The following PCDH15 variants were observed in gnomAD, a reference collection of about 807,000 sequenced individuals.
PCDH15 encodes protocadherin-15.
A neutral mutation model predicts 178.5 loss-of-function variants in PCDH15; 129 were observed. The observed-to-expected ratio is 0.72, with a 90% CI of 0.63 to 0.84. The LOEUF is 0.84. Ranked by LOEUF, PCDH15 falls within the 40% of genes least tolerant of loss-of-function variation. The pLI is 0.00. For synonymous variants in PCDH15, 800 were observed against 732.0 expected (o/e 1.09, Z -1.50); for missense variants, 2,230 against 2,099.9 (o/e 1.06, Z -1.21).
chr10:54,313,019 C>G (rs894688369), intron 8 of PCDH15, among the ~76,000 whole-genome samples: 3 of 152,020 alleles, frequency 2.0e-5, no homozygotes, highest in Non-Finnish European at 4.4e-5. Flanking sequence ...ATGGCTCAAT[C>G]TGTTAAAAAT....
At position 55,035,800 on chromosome 10, in the gene PCDH15, A is replaced by G. The variant is rs191445122; in HGVS notation, c.-80+130776T>C. On this transcript the variant is annotated intron_variant, in intron 2 of 5. Coordinates refer to the PCDH15 transcript ENST00000458638. ...ATGAATATGTGTGATAATGTAAACA[A>G]AATAGAAGAGAAAAATGCTCCACTG... 5.3e-5 allele frequency among the ~76,000 whole-genome samples: 8 copies of G among 152,264 alleles called. No homozygotes were observed. The East Asian group carries it at 1.2e-3, about 22-fold the overall frequency.
At chr10:54,233,580 C>G (rs1204227461) in intron 9 of PCDH15, among the ~76,000 whole-genome samples, 1 of 152,140 alleles carries the variant, frequency 6.6e-6, no homozygotes, top group Non-Finnish European at 1.5e-5. Flanking sequence ...TCTAGGTGCA[C>G]TTGAGAAGAA....
intron 3 of PCDH15, among the ~76,000 whole-genome samples, chr10:54,445,871 T>G (rs1453510284): frequency 6.6e-6 from 1 of 151,652 alleles, no homozygotes; most frequent in African/African-American, 2.4e-5. Flanking sequence ...CCAAAAGGAC[T>G]TAATTCATAT....
At chr10:54,034,077 T>C (rs1264777110) in intron 18 of PCDH15, among the ~76,000 whole-genome samples, 2 of 151,948 alleles carry the variant, frequency 1.3e-5, no homozygotes, top group African/African-American at 4.8e-5. Context: ...GGATTCTCTG[T>C]GAAATTCTAT....
chr10:54,382,127 A>G (rs1235737110), intron 3 of PCDH15, among the ~76,000 whole-genome samples: 2 of 152,160 alleles, frequency 1.3e-5, no homozygotes, highest in Non-Finnish European at 2.9e-5. Context: ...TGGCTGGTCA[A>G]TCTTTTACAG....
intron 3 of PCDH15, among the ~76,000 whole-genome samples, chr10:54,845,877 A>G (rs992258892): frequency 5.9e-5 from 9 of 152,096 alleles, no homozygotes; most frequent in Non-Finnish European, 1.0e-4. Flanking sequence ...TAAATACTAG[A>G]TTGTCACCAC....
intron 1 of PCDH15, among the ~76,000 whole-genome samples, chr10:55,298,638 G>A (rs1355243373): frequency 6.6e-6 from 1 of 151,938 alleles, no homozygotes; most frequent in Admixed American, 6.6e-5. Context: ...CTGGAGTGTA[G>A]TGGAGTGATC....
chr10:55,561,816 T>C (rs1842206368), intron 2 of PCDH15, among the ~76,000 whole-genome samples: 1 of 151,860 alleles, frequency 6.6e-6, no homozygotes, highest in East Asian at 1.9e-4. Context: ...AAAAAGAAAG[T>C]AGCATGGTTA....
At chr10:55,040,593 A>T (rs1174132089) in intron 2 of PCDH15, among the ~76,000 whole-genome samples, 1 of 152,150 alleles carries the variant, frequency 6.6e-6, no homozygotes, top group Non-Finnish European at 1.5e-5. Flanking sequence ...CTCTTTTTCC[A>T]TAGGGAAGAC....
At chr10:53,947,593 T>A (rs979395602) in intron 23 of PCDH15, among the ~76,000 whole-genome samples, 3 of 151,878 alleles carry the variant, frequency 2.0e-5, no homozygotes, top group African/African-American at 7.2e-5. Context: ...TTATTTATAA[T>A]CTTGGAGTAA....
chr10:55,372,315 T>C lies in PCDH15; in HGVS notation c.-155-205664A>G, dbSNP rs369093633. Among the ~76,000 whole-genome samples the C allele has an allele frequency of 7.9e-5, 12 of 151,854 alleles. No homozygotes were observed. In the East Asian group the frequency reaches 2.1e-3, roughly 27 times the overall value. On this transcript the variant is annotated intron_variant, in intron 2 of 5. Transcript: ENST00000613346. ...TTGTTTCCACCTGCACACCCACCCA[T>C]ATGGCAGGCACCATGCTAAGAACTT...
chr10:54,213,919 A>T lies in PCDH15; in HGVS notation c.1098+17T>A. The stretch of plus-strand genomic sequence containing the variant: ...CAGTTCATAAACACAAGGAAATAAG[A>T]TATTAGCTTAATTTACCTTAATAAC... On this transcript the variant is annotated intron_variant, in intron 10 of 37. Transcript: ENST00000644397. 1 of 1,440,270 alleles carries T rather than the reference A, an allele frequency of 6.9e-7. No individual in the cohort carries two copies. Among genetic ancestry groups the T allele is most frequent in the African/African-American group, 1.4e-5 (1 of 71,224 alleles). 89.2% of individuals were successfully genotyped at this position (1,440,270 alleles called of 1,614,324 possible).
intron 2 of PCDH15, among the ~76,000 whole-genome samples, chr10:54,957,933 A>G (rs1040111185): frequency 6.6e-6 from 1 of 151,660 alleles, no homozygotes; most frequent in African/African-American, 2.4e-5. Context: ...ACGAAAGCAA[A>G]AGGATGCCTC....
chr10:54,152,181 A>G (rs139389754), intron 14 of PCDH15, among the ~76,000 whole-genome samples: 16 of 152,316 alleles, frequency 1.1e-4, no homozygotes, highest in African/African-American at 3.8e-4. Context: ...ATTTAAATAT[A>G]CAATATGAAT....
chr10:53,877,164 T>G (rs925339753), intron 26 of PCDH15, among the ~76,000 whole-genome samples: 2 of 152,144 alleles, frequency 1.3e-5, no homozygotes, highest in African/African-American at 4.8e-5. Context: ...ATTTTTTCCT[T>G]TCTTTTAAAA....
At chr10:53,931,334 G>T (rs1352803022) in intron 25 of PCDH15, among the ~76,000 whole-genome samples, 1 of 152,220 alleles carries the variant, frequency 6.6e-6, no homozygotes, top group East Asian at 1.9e-4. Flanking sequence ...TGGATTGTAT[G>T]AGTGGTATGT....
intron 2 of PCDH15, chr10:54,585,614 GTT>G (rs71901521): frequency 0.014 from 1,082 of 79,444 alleles, 7 homozygotes; most frequent in African/African-American, 0.041. Flanking sequence ...AGCAATATGT[GTT>G]TTTTTTTTTT....
chr10:54,671,714 G>A (rs1301798916), intron 1 of PCDH15, among the ~76,000 whole-genome samples: 2 of 152,144 alleles, frequency 1.3e-5, no homozygotes, highest in Non-Finnish European at 2.9e-5. Flanking sequence ...AGTGGCTACA[G>A]CTTTATGAGA....
intron 13 of PCDH15, among the ~76,000 whole-genome samples, chr10:54,181,916 G>T (rs1164564423): frequency 6.6e-6 from 1 of 151,932 alleles, no homozygotes; most frequent in Non-Finnish European, 1.5e-5. Flanking sequence ...TAATAGCATT[G>T]AATGATTTCT....
Sources: allele counts gnomAD v4.1 joint callset (sites outside exome capture counted in the v4.1 genomes callset), GRCh38; gene constraint gnomAD v4.1.1; transcripts MANE v1.5; gene names NCBI Gene and HGNC (gene_info 2026-07-23, HGNC 2026-07-21).